Variants in FXR1 observed in about 807,000 individuals in gnomAD.
FXR1 encodes FMR1 autosomal homolog 1, also known as RNA-binding protein FXR1.
Under a neutral mutation model 84.0 loss-of-function variants are expected in FXR1, and 15 were observed. That is an observed-to-expected ratio of 0.18 (90% CI 0.12 to 0.27). FXR1 has a LOEUF of 0.27. Among genes scored for constraint, FXR1 ranks in the 10% least tolerant of loss-of-function variants. The pLI, the probability that FXR1 is intolerant of heterozygous loss-of-function variation, is 1.00. For missense variants in FXR1, 480 were observed against 774.4 expected (o/e 0.62, Z 4.51); for synonymous variants, 245 against 250.7 (o/e 0.98, Z 0.21).
rs529436752 is a variant in FXR1 at position 180,977,945 on chromosome 3, T to A, written c.*1653T>A. ...CTTTTTCCTGAGGCCTTCTGATTGG[T>A]TCTTGGTAACAGAATTTTAAAGTAA... On this transcript the variant is annotated 3_prime_UTR_variant, in exon 17 of 17. Transcript: ENST00000357559. 172 of 152,126 alleles carry A rather than the reference T, an allele frequency of 1.1e-3. No individual in the cohort carries two copies. Among genetic ancestry groups the A allele is most frequent in the African/African-American group, 4.0e-3 (165 of 41,540 alleles). The allele number at this position is 152,126 out of a possible 1,614,324, so 9.4% of individuals were successfully genotyped here.
At chr3:180,958,821 T>G (rs74948727) in intron 10 of FXR1, among the ~76,000 whole-genome samples, 1 of 151,396 alleles carries the variant, frequency 6.6e-6, no homozygotes, top group Non-Finnish European at 1.5e-5. Context: ...TTTTTTTTTT[T>G]TCCTGGAGAC....
chr3:180,938,589 C>G (rs757965394), intron 3 of FXR1, among the ~76,000 whole-genome samples: 3 of 152,110 alleles, frequency 2.0e-5, no homozygotes, highest in Non-Finnish European at 4.4e-5. Flanking sequence ...GCTCCTGTTG[C>G]TCAGGCTGGA....
intron 1 of FXR1, 109 bp from the exon 2 acceptor site, chr3:180,933,225 A>G (rs2108443893): frequency 3.0e-6 from 2 of 672,748 alleles, no homozygotes; most frequent in East Asian, 5.4e-5. Context: ...GCCTAATTCC[A>G]AACCTTGTGT....
chr3:180,951,825 T>C (rs1293944133), intron 8 of FXR1, among the ~76,000 whole-genome samples: 1 of 152,214 alleles, frequency 6.6e-6, no homozygotes, highest in Non-Finnish European at 1.5e-5. Flanking sequence ...TAGAATAGCT[T>C]TTCTAGAACT....
chr3:180,938,101 G>T (rs944588672), intron 3 of FXR1, among the ~76,000 whole-genome samples: 2 of 152,004 alleles, frequency 1.3e-5, no homozygotes, highest in African/African-American at 4.8e-5. Flanking sequence ...AAATTATTTG[G>T]TGTGGATATA....
At chr3:180,943,521 C>T (rs1001895389) in intron 3 of FXR1, among the ~76,000 whole-genome samples, 18 of 152,176 alleles carry the variant, frequency 1.2e-4, no homozygotes, top group African/African-American at 4.3e-4. Context: ...CCCGCCTCAG[C>T]CTCCCAGAGT....
rs750019014 is a variant in FXR1, at chr3:180,935,164, T to G, written c.131T>G (p.Phe44Cys). The G allele has an allele frequency of 6.3e-7, 1 of 1,583,344 alleles. No individual in the cohort carries two copies. The highest frequency in any genetic ancestry group is 8.7e-7 in the Non-Finnish European group (1 of 1,152,564). ...TGGCAACCAGAACGCCAGGTTCCATTTAATGAAGTTAGATTACCACCACCA... is the reference window on the plus strand; with the variant it reads ...TGGCAACCAGAACGCCAGGTTCCATGTAATGAAGTTAGATTACCACCACCA... ...NNWQPERQVP[F>C]NEVRLPPPPD... Residue 44 changes from phenylalanine to cysteine, a missense_variant, in exon 3 of 17, where the codon TTT becomes TGT. This residue lies in a region of FXR1 where 54 missense variants were observed against 74.2 expected (regional missense o/e 0.73). Transcript: ENST00000357559.
At chr3:180,943,986 A>G (rs970082638) in intron 3 of FXR1, among the ~76,000 whole-genome samples, 8 of 151,696 alleles carry the variant, frequency 5.3e-5, no homozygotes, top group Admixed American at 5.3e-4. Flanking sequence ...GCGCGATCTC[A>G]GCTCACCGCA....
At chr3:180,940,585 C>G (rs57063254) in intron 3 of FXR1, among the ~76,000 whole-genome samples, 16 of 147,458 alleles carry the variant, frequency 1.1e-4, no homozygotes, top group East Asian at 3.9e-4. Context: ...TTTCTGTTTT[C>G]TTTTTTTTTT....
chr3:180,945,957 A>G (rs761519770), intron 3 of FXR1, among the ~76,000 whole-genome samples: 1 of 152,160 alleles, frequency 6.6e-6, no homozygotes, highest in Non-Finnish European at 1.5e-5. Flanking sequence ...AGATGTCACC[A>G]TCTCAGACTT....
At position 180,933,336 on chromosome 3, in the gene FXR1, A is replaced by G; in HGVS notation, c.54A>G (p.Gly18=). Reference sequence around the variant, plus strand: ...TATAATGTTTTTGTGTCTTGCAGGGATTTATCAAAGATGTTCATGAAGACT... The same window carrying G: ...TATAATGTTTTTGTGTCTTGCAGGGGTTTATCAAAGATGTTCATGAAGACT... ...VRGSNGAFYK[G]FIKDVHEDSL... The change falls in exon 2 of 17, where the codon GGA becomes GGG. Residue 18 remains glycine, a splice_region_variant and synonymous_variant. Transcript: ENST00000357559. The G allele has an allele frequency of 6.4e-7, 1 of 1,555,036 alleles. No homozygotes were observed. The highest frequency in any genetic ancestry group is 1.7e-5 in the Admixed American group (1 of 59,776).
chr3:180,958,066 C>T, intron 10 of FXR1, 138 bp downstream of exon 10: 2 of 454,494 alleles, frequency 4.4e-6, no homozygotes, highest in Admixed American at 4.2e-5. Context: ...AATATTATTT[C>T]ATACACTTAG....
chr3:180,966,339 TAG>T (rs774837095), intron 13 of FXR1, among the ~76,000 whole-genome samples: 9 of 152,208 alleles, frequency 5.9e-5, no homozygotes, highest in Non-Finnish European at 1.2e-4. Context: ...TAACACCATG[TAG>T]AGAAAAGGTA....
At chr3:180,974,368 C>T (rs1713961566) in intron 15 of FXR1, among the ~76,000 whole-genome samples, 1 of 152,114 alleles carries the variant, frequency 6.6e-6, no homozygotes. Flanking sequence ...GTCTCGAACT[C>T]CTGACCTCAG....
intron 3 of FXR1, among the ~76,000 whole-genome samples, chr3:180,946,586 C>T (rs1164384038): frequency 2.0e-5 from 3 of 152,138 alleles, no homozygotes; most frequent in Admixed American, 6.5e-5. Context: ...TTGAGTTTAA[C>T]GGACCCTGAT....
At chr3:180,956,996 G>A (rs1351052445) in intron 9 of FXR1, among the ~76,000 whole-genome samples, 1 of 152,136 alleles carries the variant, frequency 6.6e-6, no homozygotes, top group Non-Finnish European at 1.5e-5. Context: ...CACTGTCTAA[G>A]GGATACATCG....
intron 13 of FXR1, 41 bp from the exon 14 acceptor site, chr3:180,968,010 T>G (rs745531470): frequency 1.5e-6 from 2 of 1,298,850 alleles, no homozygotes; most frequent in South Asian, 1.2e-5. Flanking sequence ...AAAAGGCTTT[T>G]TATAGAAATC....
At position 180,967,960 on chromosome 3, in the gene FXR1, A is replaced by AT. The variant is rs1309668853; in HGVS notation, c.1199-88dup. 1.3e-5 allele frequency: 11 copies of AT among 828,332 alleles called. No individual in the cohort carries two copies. The East Asian group carries it at 2.8e-4, about 21-fold the overall frequency. 51.3% of individuals were successfully genotyped at this position (828,332 alleles called of 1,614,324 possible). A position where few individuals can be genotyped will look rare whatever the true frequency, so the allele number is the denominator to read the frequency against. Reference sequence around the variant, plus strand: ...TTGAAGCAGCCAAACAGTATTGCTTATTTAAACAATAATTTGTAGGACATA... The same window carrying AT: ...TTGAAGCAGCCAAACAGTATTGCTTATTTTAAACAATAATTTGTAGGACATA... On this transcript the variant is annotated intron_variant, in intron 13 of 16. Coordinates refer to ENST00000357559, the MANE Select transcript of FXR1 (RefSeq NM_005087.4).
intron 15 of FXR1, among the ~76,000 whole-genome samples, chr3:180,974,024 T>C (rs1463099141): frequency 1.3e-5 from 2 of 152,194 alleles, no homozygotes; most frequent in Admixed American, 6.5e-5. Context: ...ATTAACTTGC[T>C]CCCATAATTT....
Sources: gnomAD v4.1 joint callset for allele counts (sites outside exome capture counted in the v4.1 genomes callset) on GRCh38, gnomAD v4.1.1 for gene constraint, gnomAD v4.1.1 regional missense constraint, MANE v1.5 for transcripts, NCBI Gene and HGNC (gene_info 2026-07-23, HGNC 2026-07-21) for gene names.